Variants in PDE4D observed in about 807,000 individuals in gnomAD.
PDE4D encodes the protein 3',5'-cyclic-AMP phosphodiesterase 4D.
In PDE4D, 24 loss-of-function variants were observed where a neutral mutation model predicts 87.4. The observed-to-expected ratio is 0.27, with a 90% CI of 0.20 to 0.39. The LOEUF is 0.39. PDE4D is among the 10% of genes least tolerant of loss of function. PDE4D has a pLI of 1.00. For synonymous variants in PDE4D, 384 were observed against 383.2 expected (o/e 1.00, Z -0.02); for missense variants, 714 against 1,041.0 (o/e 0.69, Z 4.32).
At chr5:60,086,626 GT>G (rs1028995900) in intron 2 of PDE4D, among the ~76,000 whole-genome samples, 48 of 152,208 alleles carry the variant, frequency 3.2e-4, no homozygotes, top group Admixed American at 1.8e-3. Flanking sequence ...GGGACAAATG[GT>G]TATAAAGTAA....
At chr5:59,052,125 C>T (rs191857092) in intron 5 of PDE4D, among the ~76,000 whole-genome samples, 4 of 152,276 alleles carry the variant, frequency 2.6e-5, no homozygotes, top group African/African-American at 9.6e-5. Context: ...CGGCTGCTGC[C>T]TAGAGACAGT....
At chr5:59,071,740 G>A (rs1331414198) in intron 5 of PDE4D, among the ~76,000 whole-genome samples, 4 of 130,922 alleles carry the variant, frequency 3.1e-5, no homozygotes, top group African/African-American at 8.8e-5. Context: ...AGGCTGGAGT[G>A]CAGTGGGACC....
intron 1 of PDE4D, among the ~76,000 whole-genome samples, chr5:59,291,685 T>A (rs1366074662): frequency 6.6e-6 from 1 of 151,262 alleles, no homozygotes; most frequent in Non-Finnish European, 1.5e-5. Flanking sequence ...TCCACAAATA[T>A]ATACACCTAC....
intron 2 of PDE4D, among the ~76,000 whole-genome samples, chr5:60,142,555 G>T (rs1313010085): frequency 6.6e-6 from 1 of 152,148 alleles, no homozygotes; most frequent in African/African-American, 2.4e-5. Context: ...TGGGATTTAG[G>T]CATTGGCAGA....
At chr5:59,067,637 A>C (rs985248213) in intron 5 of PDE4D, among the ~76,000 whole-genome samples, 1 of 152,136 alleles carries the variant, frequency 6.6e-6, no homozygotes, top group Non-Finnish European at 1.5e-5. Context: ...ATTTTTTTCC[A>C]TGTAAGATTA....
rs1756406154 is a variant in PDE4D, at chr5:59,027,240, C to A, written c.921+11619G>T. 2.0e-5 allele frequency among the ~76,000 whole-genome samples: 3 copies of A among 152,146 alleles called. No homozygotes were observed. The South Asian group carries it at 6.2e-4, about 31-fold the overall frequency. On this transcript the variant is annotated intron_variant, in intron 6 of 14. Transcript: ENST00000340635. ...GGTTATATGTTTTCAGTAGGGAAAC[C>A]ACAGATTAAAAGTGCCATTTTCATC... is the stretch of plus-strand genomic sequence containing the variant.
chr5:59,984,158 G>A (rs1272926716), intron 3 of PDE4D, among the ~76,000 whole-genome samples: 1 of 152,080 alleles, frequency 6.6e-6, no homozygotes, highest in Non-Finnish European at 1.5e-5. Flanking sequence ...GAAATAGGAT[G>A]GTGATTACAT....
At chr5:59,900,708 T>A (rs181923) in intron 3 of PDE4D, among the ~76,000 whole-genome samples, 99,042 of 151,998 alleles carry the variant, frequency 0.65, 33,247 homozygotes, top group African/African-American at 0.8. Context: ...GCTAACTTTT[T>A]AGAGATGTTT....
chr5:59,423,215 C>T (rs1252635068), intron 1 of PDE4D, among the ~76,000 whole-genome samples: 1 of 152,180 alleles, frequency 6.6e-6, no homozygotes, highest in Non-Finnish European at 1.5e-5. Context: ...TGTTGTTACT[C>T]ATCCTCAGGC....
intron 1 of PDE4D, among the ~76,000 whole-genome samples, chr5:59,350,364 G>A (rs980235365): frequency 3.3e-5 from 5 of 152,118 alleles, no homozygotes; most frequent in African/African-American, 1.2e-4. Context: ...ACAGAGCCAG[G>A]GTTCTAGCTC....
chr5:59,454,392 A>G (rs1799602609), intron 1 of PDE4D, among the ~76,000 whole-genome samples: 1 of 152,178 alleles, frequency 6.6e-6, no homozygotes, highest in Non-Finnish European at 1.5e-5. Context: ...ACAAAATCTG[A>G]TGGTTTTAAA....
chr5:59,851,456 A>T (rs1346078650), intron 1 of PDE4D, among the ~76,000 whole-genome samples: 8 of 152,046 alleles, frequency 5.3e-5, no homozygotes, highest in Admixed American at 4.6e-4. Context: ...TAGACCTGGT[A>T]TGTTAGACAG....
At chr5:59,319,071 C>T (rs1179042216) in intron 1 of PDE4D, among the ~76,000 whole-genome samples, 1 of 151,792 alleles carries the variant, frequency 6.6e-6, no homozygotes, top group Non-Finnish European at 1.5e-5. Flanking sequence ...TGCTCATAAT[C>T]TAAGGAGATT....
intron 1 of PDE4D, among the ~76,000 whole-genome samples, chr5:59,841,160 T>A (rs1382957663): frequency 1.3e-5 from 2 of 152,032 alleles, no homozygotes; most frequent in African/African-American, 2.4e-5. Context: ...TGAAGGACAG[T>A]GGGGACTTCT....
At chr5:59,566,984 A>G (rs1821045294) in intron 1 of PDE4D, among the ~76,000 whole-genome samples, 1 of 152,172 alleles carries the variant, frequency 6.6e-6, no homozygotes, top group Admixed American at 6.5e-5. Context: ...CCAAGGGGAA[A>G]TGACTGTGTT....
At chr5:59,375,835 C>T (rs1784625896) in intron 1 of PDE4D, among the ~76,000 whole-genome samples, 1 of 152,112 alleles carries the variant, frequency 6.6e-6, no homozygotes, top group African/African-American at 2.4e-5. Flanking sequence ...AAAGCTTATC[C>T]ACCACAATCA....
chr5:60,406,557 A>C (rs1182758623), intron 1 of PDE4D, among the ~76,000 whole-genome samples: 1 of 152,178 alleles, frequency 6.6e-6, no homozygotes, highest in Non-Finnish European at 1.5e-5. Context: ...ATTTTCCTGT[A>C]AATGTGCCCC....
chr5:59,917,480 A>G (rs1035015979), intron 3 of PDE4D, among the ~76,000 whole-genome samples: 12 of 152,232 alleles, frequency 7.9e-5, no homozygotes, highest in Non-Finnish European at 1.6e-4. Context: ...AGAGGTAGTG[A>G]AAGGCCAGTA....
intron 1 of PDE4D, among the ~76,000 whole-genome samples, chr5:59,729,293 G>C (rs1325691852): frequency 6.6e-6 from 1 of 152,050 alleles, no homozygotes; most frequent in Admixed American, 6.6e-5. Context: ...TACTCCAATG[G>C]TTCTGAAACA....
Sources: gnomAD v4.1 joint callset for allele counts (sites outside exome capture counted in the v4.1 genomes callset) on GRCh38, gnomAD v4.1.1 for gene constraint, MANE v1.5 for transcripts, NCBI Gene and HGNC (gene_info 2026-07-23, HGNC 2026-07-21) for gene names.